The following LTBP1 variants were observed in gnomAD, a reference collection of about 807,000 sequenced individuals.
LTBP1 encodes the protein latent-transforming growth factor beta-binding protein 1.
Under a neutral mutation model 207.6 loss-of-function variants are expected in LTBP1, and 129 were observed. That is an observed-to-expected ratio of 0.62 (90% CI 0.54 to 0.72). LTBP1 has a LOEUF of 0.72. Among genes scored for constraint, LTBP1 ranks in the 30% least tolerant of loss-of-function variants. LTBP1 has a pLI of 0.00. For synonymous variants in LTBP1, 963 were observed against 833.7 expected (o/e 1.16, Z -2.67); for missense variants, 2,281 against 2,217.2 (o/e 1.03, Z -0.58).
intron 2 of LTBP1, among the ~76,000 whole-genome samples, chr2:32,985,318 A>T (rs1420501378): frequency 6.6e-6 from 1 of 152,112 alleles, no homozygotes; most frequent in Non-Finnish European, 1.5e-5. Context: ...CTCTACATGG[A>T]TTACTTCAGG....
intron 2 of LTBP1, among the ~76,000 whole-genome samples, chr2:32,956,906 C>A (rs913418532): frequency 2.0e-5 from 3 of 152,246 alleles, no homozygotes; most frequent in Non-Finnish European, 2.9e-5. Context: ...CCACGTACAT[C>A]TCCATCACAG....
chr2:33,195,464 G>A (rs1226806806), intron 7 of LTBP1, among the ~76,000 whole-genome samples: 2 of 152,168 alleles, frequency 1.3e-5, no homozygotes, highest in Non-Finnish European at 2.9e-5. Flanking sequence ...CAAAATTTCA[G>A]TGGAGGAAGT....
chr2:32,978,789 GTTC>G (rs1415538593), intron 2 of LTBP1, among the ~76,000 whole-genome samples: 1 of 151,376 alleles, frequency 6.6e-6, no homozygotes, highest in African/African-American at 2.4e-5. Flanking sequence ...ATTGGTATTA[GTTC>G]TTCTTTAAAT....
chr2:33,123,944 C>T (rs757633907), intron 4 of LTBP1, among the ~76,000 whole-genome samples: 2 of 152,246 alleles, frequency 1.3e-5, no homozygotes, highest in Non-Finnish European at 2.9e-5. Flanking sequence ...AAAAGTACCA[C>T]TTTAGCTCTT....
At chr2:33,015,918 G>A (rs1688313154) in intron 2 of LTBP1, among the ~76,000 whole-genome samples, 1 of 152,134 alleles carries the variant, frequency 6.6e-6, no homozygotes, top group Non-Finnish European at 1.5e-5. Flanking sequence ...ACTCACTATT[G>A]CAAGAACGGC....
chr2:32,977,172 G>T (rs564607838), intron 2 of LTBP1, among the ~76,000 whole-genome samples: 4 of 152,352 alleles, frequency 2.6e-5, no homozygotes, highest in African/African-American at 9.6e-5. Context: ...GGCTTTGGGG[G>T]TGGGTGGAGT....
At chr2:33,053,460 T>C (rs370475854) in intron 3 of LTBP1, among the ~76,000 whole-genome samples, 3 of 152,122 alleles carry the variant, frequency 2.0e-5, no homozygotes, top group East Asian at 3.9e-4. Context: ...ATAATGAGTA[T>C]TATTGAAAGG....
At chr2:33,242,471 T>G (rs2092361694) in intron 9 of LTBP1, among the ~76,000 whole-genome samples, 1 of 152,208 alleles carries the variant, frequency 6.6e-6, no homozygotes, top group Non-Finnish European at 1.5e-5. Flanking sequence ...TACTGGGTAT[T>G]TCTACTTGGG....
At chr2:33,305,216 C>T (rs1363156680) in intron 22 of LTBP1, among the ~76,000 whole-genome samples, 3 of 151,938 alleles carry the variant, frequency 2.0e-5, no homozygotes, top group African/African-American at 7.3e-5. Context: ...CCCAACTACT[C>T]AGGAGGCTGA....
At chr2:33,106,844 G>C (rs1039708251) in intron 3 of LTBP1, among the ~76,000 whole-genome samples, 7 of 152,156 alleles carry the variant, frequency 4.6e-5, no homozygotes, top group Non-Finnish European at 8.8e-5. Context: ...TTGAAGCTTT[G>C]AAGTCAGGCA....
intron 3 of LTBP1, among the ~76,000 whole-genome samples, chr2:33,051,974 A>T (rs1390447711): frequency 2.0e-5 from 3 of 152,214 alleles, no homozygotes; most frequent in Non-Finnish European, 4.4e-5. Context: ...AGCCATTTGA[A>T]TTTTAAACAG....
At chr2:33,263,958 GAAA>G (rs796992102) in intron 15 of LTBP1, among the ~76,000 whole-genome samples, 7,313 of 69,660 alleles carry the variant, frequency 0.1, 211 homozygotes, top group Middle Eastern at 0.23. Context: ...TCTAAAAAAA[GAAA>G]AAAAAAAAAA....
chr2:33,272,695 G>C (rs1248075350), intron 15 of LTBP1, among the ~76,000 whole-genome samples: 1 of 152,188 alleles, frequency 6.6e-6, no homozygotes, highest in Non-Finnish European at 1.5e-5. Flanking sequence ...CCATTCTGCA[G>C]AACTGTAAAG....
chr2:33,397,174 G>T lies in LTBP1; in HGVS notation c.4876G>T (p.Gly1626Cys). 6.2e-7 allele frequency: 1 copy of T among 1,614,100 alleles called. No individual in the cohort carries two copies. Among genetic ancestry groups the T allele is most frequent in the Non-Finnish European group, 8.5e-7 (1 of 1,179,982 alleles). Reference sequence around the variant, plus strand: ...TGAGGAGTTACAGGCTGAGGAATGCGGCATCCTCAATGGATGTGAAAATGG... The same window carrying T: ...TGAGGAGTTACAGGCTGAGGAATGCTGCATCCTCAATGGATGTGAAAATGG... ...SFEELQAEEC[G>C]ILNGCENGRC... is the part of the protein sequence containing the mutation. The change falls in exon 33 of 34, where the codon GGC becomes TGC. Residue 1626 changes from glycine to cysteine, a missense_variant. Gly to Cys is a radical substitution (Grantham distance 159). Transcript: ENST00000404816.
intron 19 of LTBP1, among the ~76,000 whole-genome samples, chr2:33,289,978 A>G (rs1307829475): frequency 6.6e-6 from 1 of 152,176 alleles, no homozygotes; most frequent in Admixed American, 6.5e-5. Context: ...TTTATGAAGA[A>G]GAGAGGTTTA....
intron 26 of LTBP1, among the ~76,000 whole-genome samples, chr2:33,354,729 C>CACACACACACACA: frequency 7.9e-6 from 1 of 127,030 alleles, no homozygotes; most frequent in African/African-American, 3.0e-5. Flanking sequence ...CACACACACA[C>CACACACACACACA]CATTGTATCT....
At chr2:33,109,912 G>T (rs1010046403) in intron 3 of LTBP1, among the ~76,000 whole-genome samples, 3 of 152,184 alleles carry the variant, frequency 2.0e-5, no homozygotes, top group Non-Finnish European at 4.4e-5. Context: ...ATTAGGCAGC[G>T]TTAGAAGGTC....
chr2:33,103,435 CAT>C, intron 3 of LTBP1, among the ~76,000 whole-genome samples: 1 of 152,128 alleles, frequency 6.6e-6, no homozygotes, highest in Middle Eastern at 3.4e-3. Flanking sequence ...CTGTATGCAC[CAT>C]GTGTGTAGTC....
chr2:33,242,794 C>T (rs1573385821), intron 9 of LTBP1, among the ~76,000 whole-genome samples: 1 of 152,078 alleles, frequency 6.6e-6, no homozygotes, highest in Non-Finnish European at 1.5e-5. Flanking sequence ...TTCAAGTGAT[C>T]AGACTTTTAA....
Sources: allele counts gnomAD v4.1 joint callset (sites outside exome capture counted in the v4.1 genomes callset), GRCh38; gene constraint gnomAD v4.1.1; transcripts MANE v1.5; gene names NCBI Gene and HGNC (gene_info 2026-07-23, HGNC 2026-07-21).